Variants in PAPSS2 observed in about 807,000 individuals in gnomAD.
The protein encoded by PAPSS2 is 3'-phosphoadenosine 5'-phosphosulfate synthase 2, also known as bifunctional 3'-phosphoadenosine 5'-phosphosulfate synthase 2.
PAPSS2 carries 61 observed loss-of-function variants against 66.5 expected under a neutral mutation model. The ratio of observed to expected loss-of-function variants is 0.92; its 90% CI spans 0.75 to 1.14. The LOEUF is 1.14. Ranked by LOEUF, PAPSS2 falls within the 50% of genes most tolerant of loss-of-function variation. The pLI is 0.00. For missense variants in PAPSS2, 708 were observed against 789.6 expected, an observed-to-expected ratio of 0.90 and a Z score of 1.24; for synonymous variants, 289 against 287.5, an observed-to-expected ratio of 1.01 and a Z score of -0.05.
At chr10:87,702,907 C>G (rs1344244628) in intron 1 of PAPSS2, among the ~76,000 whole-genome samples, 2 of 152,116 alleles carry the variant, frequency 1.3e-5, no homozygotes, top group African/African-American at 4.8e-5. Context: ...TAGTCTTTTC[C>G]CCAGGTTACT....
chr10:87,684,899 G>T lies in PAPSS2; in HGVS notation c.28-24297G>T, dbSNP rs1451483432. Among the ~76,000 whole-genome samples the T allele has an allele frequency of 2.0e-5, 3 of 152,152 alleles. No homozygotes were observed. In the East Asian group the frequency reaches 5.8e-4, roughly 29 times the overall value. ...CTCACCCTTTTATGCCTCAGTGTCT[G>T]ACTGAGCTATTTAGTGAAGCACTTC... On this transcript the variant is annotated intron_variant, in intron 1 of 12. Transcript: ENST00000456849.
intron 9 of PAPSS2, among the ~76,000 whole-genome samples, chr10:87,735,069 G>A (rs993710777): frequency 2.0e-5 from 3 of 151,946 alleles, no homozygotes; most frequent in African/African-American, 4.8e-5. Flanking sequence ...ACTTCACTGG[G>A]CTCCTGAAGC....
intron 1 of PAPSS2, among the ~76,000 whole-genome samples, chr10:87,691,506 AC>A (rs1173464130): frequency 6.6e-6 from 1 of 151,902 alleles, no homozygotes; most frequent in Non-Finnish European, 1.5e-5. Flanking sequence ...AAAAAAGGCA[AC>A]AACATAAAAA....
intron 1 of PAPSS2, among the ~76,000 whole-genome samples, chr10:87,693,210 A>G (rs1853192576): frequency 6.6e-6 from 1 of 152,208 alleles, no homozygotes; most frequent in Non-Finnish European, 1.5e-5. Context: ...TCATCAGAAT[A>G]TCACACATAA....
intron 1 of PAPSS2, 83 bp downstream of exon 1, chr10:87,660,091 TCCCA>T: frequency 7.1e-7 from 1 of 1,399,778 alleles, no homozygotes; most frequent in Non-Finnish European, 1.0e-6. Context: ...GGCACTTGGG[TCCCA>T]CCCTCCCCGG....
At chr10:87,725,916 T>C (rs891526684) in intron 8 of PAPSS2, among the ~76,000 whole-genome samples, 12 of 74,632 alleles carry the variant, frequency 1.6e-4, no homozygotes, top group South Asian at 1.1e-3. Context: ...CACACACACA[T>C]ATTTTTTGGT....
intron 1 of PAPSS2, among the ~76,000 whole-genome samples, chr10:87,692,596 T>G (rs1207068788): frequency 6.6e-6 from 1 of 152,160 alleles, no homozygotes; most frequent in African/African-American, 2.4e-5. Flanking sequence ...GAGATGCTGT[T>G]TTAGAGATTA....
chr10:87,698,823 C>A (rs922046185), intron 1 of PAPSS2, among the ~76,000 whole-genome samples: 1 of 152,132 alleles, frequency 6.6e-6, no homozygotes, highest in African/African-American at 2.4e-5. Flanking sequence ...GAGTTCAAGT[C>A]CAGCTTGGGC....
At chr10:87,665,415 G>T (rs76805424) in intron 1 of PAPSS2, among the ~76,000 whole-genome samples, 2,467 of 152,260 alleles carry the variant, frequency 0.016, 65 homozygotes, top group African/African-American at 0.056. Flanking sequence ...GTTTCACCGC[G>T]TTAACCAGGA....
At position 87,745,757 on chromosome 10, in the gene PAPSS2, C is replaced by T. The variant is rs1564730765; in HGVS notation, c.1722-75C>T. The T allele has an allele frequency of 2.0e-6, 3 of 1,511,906 alleles. No individual in the cohort carries two copies. The South Asian group carries it at 3.4e-5, about 17-fold the overall frequency. The allele number at this position is 1,511,906 out of a possible 1,614,324, so 93.7% of individuals were successfully genotyped here. ...CAGAAAGAACATGGGTCTCAAAAAC[C>T]ATAACCTACTCCAGGAATCCTTAAG... On this transcript the variant is annotated intron_variant, in intron 12 of 12. Coordinates refer to ENST00000456849, the MANE Select transcript of PAPSS2 (RefSeq NM_001015880.2).
At chr10:87,677,941 G>A (rs1324153647) in intron 1 of PAPSS2, among the ~76,000 whole-genome samples, 5 of 152,034 alleles carry the variant, frequency 3.3e-5, no homozygotes, top group Non-Finnish European at 5.9e-5. Flanking sequence ...ATAAAGATAA[G>A]CATTTTAAGA....
At chr10:87,679,893 G>T (rs1234413086) in intron 1 of PAPSS2, among the ~76,000 whole-genome samples, 1 of 152,028 alleles carries the variant, frequency 6.6e-6, no homozygotes, top group Non-Finnish European at 1.5e-5. Context: ...AGGTATGGTG[G>T]TGCGTGCCTG....
intron 1 of PAPSS2, among the ~76,000 whole-genome samples, chr10:87,678,153 CA>C (rs1852972026): frequency 6.6e-6 from 1 of 151,914 alleles, no homozygotes; most frequent in Non-Finnish European, 1.5e-5. Flanking sequence ...TCTTTATAGC[CA>C]ACTGATTTTC....
intron 1 of PAPSS2, among the ~76,000 whole-genome samples, chr10:87,673,689 C>CTTTTTTTTTTTTT (rs34935261): frequency 1.5e-5 from 1 of 67,422 alleles, no homozygotes; most frequent in Non-Finnish European, 2.9e-5. Context: ...TTTTGGCTTA[C>CTTTTTTTTTTTTT]TTTTTTTTTT....
rs1473914885 is a variant in PAPSS2, at chr10:87,709,606, A to C, written c.145+293A>C. Among the ~76,000 whole-genome samples, 3 of 152,224 alleles carry C rather than the reference A, an allele frequency of 2.0e-5. No homozygotes were observed. The East Asian group carries it at 5.8e-4, about 29-fold the overall frequency. On this transcript the variant is annotated intron_variant, in intron 2 of 12. Coordinates refer to ENST00000456849, the MANE Select transcript of PAPSS2 (RefSeq NM_001015880.2). ...CAAGATGATTATGACATCCCCTTTC[A>C]GTGCTAAGGGATTCAATAATTCTCA...
At chr10:87,714,702 C>T in intron 4 of PAPSS2, 43 bp from the exon 5 acceptor site, 1 of 1,082,558 alleles carries the variant, frequency 9.2e-7, no homozygotes, top group Non-Finnish European at 1.4e-6. Flanking sequence ...AAAGATTATT[C>T]TGTCAATACA....
chr10:87,701,348 CTTTCT>C (rs1405628269), intron 1 of PAPSS2, among the ~76,000 whole-genome samples: 1 of 86,970 alleles, frequency 1.1e-5, no homozygotes, highest in Non-Finnish European at 2.1e-5. Flanking sequence ...TTCTTTCTTT[CTTTCT>C]TTCTTTCTTT....
At position 87,709,196 on chromosome 10, in the gene PAPSS2, G is replaced by A. The variant is rs17173698; in HGVS notation, c.28G>A (p.Glu10Lys). 0.019 allele frequency: 30,897 copies of A among 1,599,836 alleles called. 370 individuals carry two copies. The highest frequency in any genetic ancestry group is 0.024 in the Non-Finnish European group (27,463 of 1,167,352). MSGIKKQKT[E>K]NQQKSTNVVY... The stretch of plus-strand genomic sequence containing the variant: ...TGCTTGGTTTTGTCTTATTTTATAG[G>A]AGAACCAGCAGAAATCCACCAATGT... The change falls in exon 2 of 13, where the codon GAG becomes AAG. Residue 10 changes from glutamate (E) to lysine (K), a missense_variant and splice_region_variant. By Grantham distance (56) the Glu-to-Lys change is moderately conservative (BLOSUM62 1). Coordinates refer to ENST00000456849, the MANE Select transcript of PAPSS2 (RefSeq NM_001015880.2).
chr10:87,725,904 C>T (rs1277988556), intron 8 of PAPSS2, among the ~76,000 whole-genome samples: 1 of 151,808 alleles, frequency 6.6e-6, no homozygotes, highest in Non-Finnish European at 1.5e-5. Flanking sequence ...CACACACACA[C>T]ACACACACAC....
Sources: allele counts gnomAD v4.1 joint callset (sites outside exome capture counted in the v4.1 genomes callset), GRCh38; gene constraint gnomAD v4.1.1; transcripts MANE v1.5; gene names NCBI Gene and HGNC (gene_info 2026-07-23, HGNC 2026-07-21).